Variants in NRXN3 observed in about 807,000 individuals in gnomAD.
NRXN3 encodes neurexin 3.
NRXN3 carries 32 observed loss-of-function variants against 137.6 expected under a neutral mutation model. The observed-to-expected ratio is 0.23, with a 90% confidence interval of 0.18 to 0.31. The LOEUF (loss-of-function observed/expected upper bound fraction) is 0.31, where lower values mean the gene tolerates loss of function less well. Ranked by LOEUF, NRXN3 falls within the 10% of genes least tolerant of loss-of-function variation. The pLI, the probability that NRXN3 is intolerant of heterozygous loss-of-function variation, is 1.00. For synonymous variants in NRXN3, 798 were observed against 784.5 expected (o/e 1.02, Z -0.29); for missense variants, 1,574 against 2,062.5 (o/e 0.76, Z 4.59).
intron 20 of NRXN3, among the ~76,000 whole-genome samples, chr14:79,840,469 C>A (rs1029080814): frequency 3.3e-5 from 5 of 152,128 alleles, no homozygotes; most frequent in African/African-American, 1.2e-4. Context: ...CTGTAGAGAT[C>A]TTAGGATCTC....
chr14:79,269,031 A>G (rs2078887840), intron 15 of NRXN3, among the ~76,000 whole-genome samples: 1 of 135,388 alleles, frequency 7.4e-6, no homozygotes, highest in African/African-American at 2.7e-5. Flanking sequence ...TTCTTACTAA[A>G]TTTTTATTTT....
intron 10 of NRXN3, among the ~76,000 whole-genome samples, chr14:78,822,710 C>CAAAAAAAAAAAAA (rs57192355): frequency 1.6e-5 from 2 of 122,578 alleles, no homozygotes; most frequent in Admixed American, 8.4e-5. Flanking sequence ...CAAAAACAAA[C>CAAAAAAAAAAAAA]AAAAAAAAAA....
chr14:79,319,335 T>G (rs1300531060), intron 15 of NRXN3, among the ~76,000 whole-genome samples: 2 of 152,174 alleles, frequency 1.3e-5, no homozygotes, highest in Non-Finnish European at 2.9e-5. Flanking sequence ...TATAATTACT[T>G]TCTCATAAAT....
At chr14:78,352,218 G>A (rs1464593805) in intron 4 of NRXN3, among the ~76,000 whole-genome samples, 1 of 152,068 alleles carries the variant, frequency 6.6e-6, no homozygotes, top group African/African-American at 2.4e-5. Context: ...CAAGAAGTAG[G>A]GAATATGATT....
At chr14:78,916,980 A>G (rs1294976250) in intron 10 of NRXN3, among the ~76,000 whole-genome samples, 1 of 152,212 alleles carries the variant, frequency 6.6e-6, no homozygotes, top group Non-Finnish European at 1.5e-5. Flanking sequence ...GACGCCAGTC[A>G]TATTGGACTA....
chr14:79,584,792 G>A (rs1445466830), intron 16 of NRXN3, among the ~76,000 whole-genome samples: 1 of 152,140 alleles, frequency 6.6e-6, no homozygotes, highest in Non-Finnish European at 1.5e-5. Context: ...ATTGTGCACA[G>A]CAGAGGGAGC....
At chr14:78,814,711 G>A (rs572593162) in intron 10 of NRXN3, among the ~76,000 whole-genome samples, 1 of 152,184 alleles carries the variant, frequency 6.6e-6, no homozygotes, top group Admixed American at 6.5e-5. Flanking sequence ...GTTCCATAAG[G>A]CTGGCAGTAA....
chr14:78,522,533 C>T (rs1260418447), intron 4 of NRXN3, among the ~76,000 whole-genome samples: 1 of 152,168 alleles, frequency 6.6e-6, no homozygotes, highest in Non-Finnish European at 1.5e-5. Context: ...TACTAGACAT[C>T]TTCATGTCAT....
intron 15 of NRXN3, among the ~76,000 whole-genome samples, chr14:79,336,620 G>A (rs570238389): frequency 6.6e-6 from 1 of 152,214 alleles, no homozygotes; most frequent in African/African-American, 2.4e-5. Context: ...TTTCTTTTTG[G>A]ATATTTAGGT....
intron 15 of NRXN3, among the ~76,000 whole-genome samples, chr14:78,991,236 A>AAT: frequency 6.6e-6 from 1 of 152,316 alleles, no homozygotes; most frequent in Non-Finnish European, 1.5e-5. Context: ...GTCATCAGCA[A>AAT]TTGCTTTGGT....
intron 15 of NRXN3, among the ~76,000 whole-genome samples, chr14:79,359,981 T>A (rs1488019024): frequency 6.6e-6 from 1 of 152,044 alleles, no homozygotes; most frequent in African/African-American, 2.4e-5. Context: ...AAAACGAAAA[T>A]ACTTGGAAGG....
Position 79,066,044 on chromosome 14 carries a change from C to T in NRXN3, c.3262+77903C>T, listed in dbSNP as rs1257138472. Among the ~76,000 whole-genome samples, 12 of 152,108 alleles carry T rather than the reference C, an allele frequency of 7.9e-5. No individual in the cohort carries two copies. The East Asian group carries it at 1.2e-3, about 15-fold the overall frequency. ...CTGCTTTGGTTGCAATTGCTTTTGG[C>T]GTTTTTGTCATGAAATTTTTGCCCA... On this transcript the variant is annotated intron_variant, in intron 15 of 20. Coordinates refer to ENST00000335750, the MANE Select transcript of NRXN3 (RefSeq NM_001330195.2).
At chr14:78,215,780 C>T (rs1332906732) in intron 1 of NRXN3, among the ~76,000 whole-genome samples, 2 of 82,066 alleles carry the variant, frequency 2.4e-5, no homozygotes, top group Non-Finnish European at 4.8e-5. Flanking sequence ...GTGGGGGGGG[C>T]AGGGGTTAGT....
At chr14:78,345,296 A>C (rs2082598812) in intron 4 of NRXN3, among the ~76,000 whole-genome samples, 1 of 152,192 alleles carries the variant, frequency 6.6e-6, no homozygotes, top group Admixed American at 6.5e-5. Flanking sequence ...TATTTCTCAC[A>C]GTGTCAGAGA....
chr14:78,656,218 A>G (rs1170665626), intron 6 of NRXN3, among the ~76,000 whole-genome samples: 1 of 152,214 alleles, frequency 6.6e-6, no homozygotes, highest in Non-Finnish European at 1.5e-5. Context: ...GGGGAGAGGC[A>G]GACACACGCA....
intron 4 of NRXN3, among the ~76,000 whole-genome samples, chr14:78,311,182 A>G (rs74064010): frequency 0.033 from 5,086 of 152,274 alleles, 151 homozygotes; most frequent in African/African-American, 0.073. Flanking sequence ...TCATGAGACT[A>G]TGAGCACCAT....
At chr14:79,477,518 C>T (rs2050688233) in intron 16 of NRXN3, among the ~76,000 whole-genome samples, 2 of 152,006 alleles carry the variant, frequency 1.3e-5, no homozygotes, top group South Asian at 4.1e-4. Context: ...TTAATGATAG[C>T]CATGTTCTTG....
intron 20 of NRXN3, among the ~76,000 whole-genome samples, chr14:79,836,961 C>T (rs1479083145): frequency 1.3e-5 from 2 of 152,110 alleles, no homozygotes; most frequent in African/African-American, 4.8e-5. Context: ...ATGCTAGACT[C>T]CCCACTTTCT....
chr14:78,605,050 A>G (rs558168335), intron 4 of NRXN3, among the ~76,000 whole-genome samples: 1 of 152,296 alleles, frequency 6.6e-6, no homozygotes, highest in Non-Finnish European at 1.5e-5. Flanking sequence ...AAATTTTCCT[A>G]AAGGCATGAT....
Sources: gnomAD v4.1 joint callset for allele counts (sites outside exome capture counted in the v4.1 genomes callset) on GRCh38, gnomAD v4.1.1 for gene constraint, MANE v1.5 for transcripts, NCBI Gene and HGNC (gene_info 2026-07-23, HGNC 2026-07-21) for gene names.